The following GLDC variants were observed in gnomAD, a reference collection of about 807,000 sequenced individuals.
The protein encoded by GLDC is glycine decarboxylase, also known as glycine dehydrogenase (decarboxylating), mitochondrial.
In GLDC, 104 loss-of-function variants were observed where a neutral mutation model predicts 121.3. The observed-to-expected ratio is 0.86, with a 90% CI of 0.73 to 1.01. GLDC has a LOEUF of 1.01. Among genes scored for constraint, GLDC ranks in the 50% least tolerant of loss-of-function variants. The pLI is 0.00. For missense variants in GLDC, 1,429 were observed against 1,306.6 expected (o/e 1.09, Z -1.44); for synonymous variants, 546 against 480.6 (o/e 1.14, Z -1.78).
intron 3 of GLDC, among the ~76,000 whole-genome samples, chr9:6,616,931 A>C (rs1466252628): frequency 6.6e-6 from 1 of 152,236 alleles, no homozygotes; most frequent in African/African-American, 2.4e-5. Flanking sequence ...AAAATATACC[A>C]AACAGAAATA....
rs1250386695 is a variant in GLDC, at chr9:6,551,129, T to G, written c.2458-215A>C. Among the ~76,000 whole-genome samples, 3 of 152,198 alleles carry G rather than the reference T, an allele frequency of 2.0e-5. No homozygotes were observed. In the East Asian group the frequency reaches 5.8e-4, roughly 29 times the overall value. ...TTTGTTTTCTTCTTTTAATAGTAGT[T>G]TTACGTTCTTTATTGTAGTAGCAAA... On this transcript the variant is annotated intron_variant, in intron 20 of 24. Transcript: ENST00000321612.
chr9:6,611,774 T>C (rs1818862438), intron 3 of GLDC, among the ~76,000 whole-genome samples: 2 of 152,242 alleles, frequency 1.3e-5, no homozygotes, highest in African/African-American at 4.8e-5. Flanking sequence ...TGTGCCTGTC[T>C]TTATGGATAT....
At chr9:6,638,442 G>A (rs1424877844) in intron 2 of GLDC, among the ~76,000 whole-genome samples, 6 of 151,702 alleles carry the variant, frequency 4.0e-5, no homozygotes, top group Admixed American at 6.6e-5. Flanking sequence ...CTTGAACTCC[G>A]GACCTCAGAT....
chr9:6,613,920 G>T (rs1050534046), intron 3 of GLDC, among the ~76,000 whole-genome samples: 4 of 152,094 alleles, frequency 2.6e-5, no homozygotes, highest in Non-Finnish European at 5.9e-5. Flanking sequence ...GGGATTACAG[G>T]TGCGTGACAC....
At chr9:6,638,147 T>C (rs1458306381) in intron 2 of GLDC, among the ~76,000 whole-genome samples, 6 of 152,190 alleles carry the variant, frequency 3.9e-5, no homozygotes, top group African/African-American at 9.6e-5. Flanking sequence ...GTCTTGCACA[T>C]TGCATTTCTC....
At chr9:6,533,200 G>A in intron 24 of GLDC, 40 bp from the exon 25 acceptor site, 1 of 1,602,526 alleles carries the variant, frequency 6.2e-7, no homozygotes, top group Non-Finnish European at 8.6e-7. Context: ...GAGATGTTCT[G>A]GGAGGTTTCT....
intron 3 of GLDC, among the ~76,000 whole-genome samples, chr9:6,614,694 C>G (rs1818933580): frequency 6.6e-6 from 1 of 151,920 alleles, no homozygotes; most frequent in South Asian, 2.1e-4. Context: ...AAGCCTTAAT[C>G]TTATTAATTT....
chr9:6,562,863 A>T (rs186609012), intron 16 of GLDC, among the ~76,000 whole-genome samples: 3 of 152,160 alleles, frequency 2.0e-5, no homozygotes, highest in African/African-American at 7.2e-5. Context: ...GCCCGAGCTA[A>T]TTAAAATTTC....
chr9:6,610,384 A>C, intron 3 of GLDC, 28 bp from the exon 4 acceptor site: 1 of 1,611,962 alleles, frequency 6.2e-7, no homozygotes, highest in Non-Finnish European at 8.5e-7. Context: ...GGTCTTGTCC[A>C]AACTGACTGC....
chr9:6,567,098 G>A (rs931897551), intron 15 of GLDC: 5 of 151,674 alleles, frequency 3.3e-5, no homozygotes, highest in African/African-American at 1.2e-4. Flanking sequence ...AGTCTTGTCT[G>A]ATTGATAGAA....
At position 6,589,221 on chromosome 9, in the gene GLDC, C is replaced by T. The variant is rs377219563; in HGVS notation, c.1554G>A (p.Pro518=). Residue 518 remains proline, a synonymous_variant, in exon 12 of 25, where the codon CCG becomes CCA. Coordinates refer to ENST00000321612, the MANE Select transcript of GLDC (RefSeq NM_000170.3). The stretch of plus-strand genomic sequence containing the variant: ...TGTTGAACACTTGATGGGTGAGGAA[C>T]GGGCTGGTCCTCTTGAACACAGACC... ...IPGSVFKRTS[P]FLTHQVFNSY... The T allele has an allele frequency of 9.9e-5, 159 of 1,605,414 alleles. No individual in the cohort carries two copies. The highest frequency in any genetic ancestry group is 2.8e-4 in the Admixed American group (17 of 59,990).
intron 2 of GLDC, among the ~76,000 whole-genome samples, 199 bp from the exon 3 acceptor site, chr9:6,620,518 TCTC>T (rs1480093021): frequency 6.6e-6 from 1 of 151,940 alleles, no homozygotes; most frequent in African/African-American, 2.4e-5. Context: ...ACACTCAATT[TCTC>T]CTCAAGGTTG....
intron 16 of GLDC, 69 bp from the exon 17 acceptor site, chr9:6,558,753 AC>A (rs1488857038): frequency 6.6e-7 from 1 of 1,523,680 alleles, no homozygotes; most frequent in African/African-American, 1.4e-5. Context: ...ACAGAAAAGT[AC>A]TACAACATGC....
At chr9:6,604,128 A>G (rs1818681938) in intron 7 of GLDC, among the ~76,000 whole-genome samples, 1 of 152,104 alleles carries the variant, frequency 6.6e-6, no homozygotes. Context: ...AGCAGTCAGG[A>G]AAGTACATTT....
intron 8 of GLDC, 88 bp downstream of exon 8, chr9:6,602,021 G>A: frequency 1.2e-6 from 1 of 856,702 alleles, no homozygotes. Flanking sequence ...AGGAGGTGGT[G>A]AATAAATGAA....
At chr9:6,553,809 C>T (rs1330851004) in intron 19 of GLDC, among the ~76,000 whole-genome samples, 2 of 152,064 alleles carry the variant, frequency 1.3e-5, no homozygotes, top group African/African-American at 4.8e-5. Context: ...CACTCCCAGC[C>T]CCATTCCCTC....
intron 22 of GLDC, among the ~76,000 whole-genome samples, chr9:6,537,012 A>T (rs918749695): frequency 1.3e-5 from 2 of 151,264 alleles, no homozygotes; most frequent in East Asian, 1.9e-4. Flanking sequence ...TTCATTTCTT[A>T]TAATTTTTCT....
chr9:6,604,550 T>C lies in GLDC; in HGVS notation c.1058+38A>G, dbSNP rs113320747. The C allele has an allele frequency of 8.2e-4, 1,263 of 1,538,508 alleles. 14 individuals are homozygous for C. The African/African-American group carries it at 0.015, about 18-fold the overall frequency. ...TGATCAGAAGAAATCAGGGAAATCA[T>C]AATCACAATAAAAGTAGAGAAACAT... is the stretch of plus-strand genomic sequence containing the variant. On this transcript the variant is annotated intron_variant, in intron 7 of 24. Coordinates refer to ENST00000321612, the MANE Select transcript of GLDC (RefSeq NM_000170.3).
At chr9:6,597,688 G>T (rs757383368) in intron 8 of GLDC, among the ~76,000 whole-genome samples, 1 of 151,958 alleles carries the variant, frequency 6.6e-6, no homozygotes, top group Non-Finnish European at 1.5e-5. Flanking sequence ...TGTAATCCCA[G>T]CACTTTGGGA....
Sources: gnomAD v4.1 joint callset for allele counts (sites outside exome capture counted in the v4.1 genomes callset) on GRCh38, gnomAD v4.1.1 for gene constraint, MANE v1.5 for transcripts, NCBI Gene and HGNC (gene_info 2026-07-23, HGNC 2026-07-21) for gene names.